Variants in PLRG1 observed in about 807,000 individuals in gnomAD.
PLRG1 encodes pleiotropic regulator 1.
Under a neutral mutation model 74.9 loss-of-function variants are expected in PLRG1, and 28 were observed. The observed-to-expected ratio is 0.37, with a 90% CI of 0.28 to 0.51. The LOEUF (loss-of-function observed/expected upper bound fraction) is 0.51, where lower values mean the gene tolerates loss of function less well. Among genes scored for constraint, PLRG1 ranks in the 20% least tolerant of loss-of-function variants. The pLI, the probability that PLRG1 is intolerant of heterozygous loss-of-function variation, is 0.91. For missense variants in PLRG1, 445 were observed against 631.9 expected (o/e 0.70, Z 3.17); for synonymous variants, 197 against 212.4 (o/e 0.93, Z 0.63).
chr4:154,542,312 C>G lies in PLRG1; in HGVS notation c.595-33G>C. The stretch of plus-strand genomic sequence containing the variant: ...AAACAAAGTAGAATGGGCAGGCCAA[C>G]GTAGAAGTTAAAATGTATTTAAGTT... On this transcript the variant is annotated intron_variant, in intron 7 of 14. Transcript: ENST00000499023. The G allele has an allele frequency of 2.2e-6, 3 of 1,342,558 alleles. No homozygotes were observed. In the East Asian group the frequency reaches 6.9e-5, roughly 31 times the overall value. 83.2% of individuals were successfully genotyped at this position (1,342,558 alleles called of 1,614,324 possible).
rs558498459 is a variant in PLRG1 at position 154,548,408 on chromosome 4, A to G, written c.116+421T>C. On this transcript the variant is annotated intron_variant, in intron 2 of 14. Transcript: ENST00000499023. The stretch of plus-strand genomic sequence containing the variant: ...AAAGAAGGAACACTGCACATAATGC[A>G]TTCCCAGACTGGAGCTGGATATGTA... Among the ~76,000 whole-genome samples the G allele has an allele frequency of 1.1e-4, 17 of 152,310 alleles. No individual in the cohort carries two copies. In the East Asian group the frequency reaches 2.9e-3, roughly 26 times the overall value.
intron 2 of PLRG1, among the ~76,000 whole-genome samples, 179 bp downstream of exon 2, chr4:154,548,650 T>C (rs763614310): frequency 2.0e-5 from 3 of 152,110 alleles, no homozygotes; most frequent in Non-Finnish European, 4.4e-5. Context: ...AATGGAACTT[T>C]TACTGTAAAA....
At chr4:154,542,599 G>T (rs1729574099) in intron 7 of PLRG1, among the ~76,000 whole-genome samples, 1 of 152,136 alleles carries the variant, frequency 6.6e-6, no homozygotes, top group Non-Finnish European at 1.5e-5. Context: ...CCATTTATAT[G>T]ACATAGTCAA....
At chr4:154,544,026 T>C in intron 7 of PLRG1, 1 of 164,464 alleles carries the variant, frequency 6.1e-6, no homozygotes. Flanking sequence ...TATGTGCTGC[T>C]GAAGTTAGCA....
intron 8 of PLRG1, 139 bp downstream of exon 8, chr4:154,542,038 TATTAGTATAA>T (rs1200476121): frequency 9.9e-6 from 6 of 606,360 alleles, no homozygotes; most frequent in Non-Finnish European, 1.8e-5. Context: ...TTAGAACACT[TATTAGTATAA>T]ATGATAAATT....
intron 8 of PLRG1, among the ~76,000 whole-genome samples, chr4:154,541,695 C>T (rs191140703): frequency 2.6e-4 from 40 of 151,962 alleles, no homozygotes; most frequent in Admixed American, 1.2e-3. Flanking sequence ...TTTGATACAA[C>T]GTTAAGTGAA....
chr4:154,540,954 AT>A lies in PLRG1; in HGVS notation c.688-21del, dbSNP rs760342331. 1 of 1,563,470 alleles carries A rather than the reference AT, an allele frequency of 6.4e-7. No homozygotes were observed. The highest frequency in any genetic ancestry group is 8.6e-7 in the Non-Finnish European group (1 of 1,158,566). On this transcript the variant is annotated intron_variant, in intron 8 of 14. Transcript: ENST00000499023. Reference sequence around the variant, plus strand: ...CCAGATCTGCAATCAAAGAATATTTATTTTTTTCTTTCACTGGTTACTGCAA... The same window carrying A: ...CCAGATCTGCAATCAAAGAATATTTATTTTTTCTTTCACTGGTTACTGCAA...
intron 4 of PLRG1, 155 bp downstream of exon 4, chr4:154,546,856 A>G (rs534282724): frequency 6.2e-6 from 4 of 649,168 alleles, no homozygotes; most frequent in African/African-American, 1.8e-5. Flanking sequence ...ATGAAGGCAT[A>G]TGAGTATTCA....
chr4:154,549,433 G>T (rs1249177345), intron 1 of PLRG1, among the ~76,000 whole-genome samples: 1 of 152,172 alleles, frequency 6.6e-6, no homozygotes. Context: ...ACAGAGGTAA[G>T]AACGAACCAG....
In PLRG1 at chr4:154,536,370, A is replaced by T. The variant is rs893268416; in HGVS notation, c.*315T>A. 3.1e-5 allele frequency: 6 copies of T among 191,566 alleles called. No individual in the cohort carries two copies. The highest frequency in any genetic ancestry group is 5.3e-5 in the Non-Finnish European group (5 of 95,066). The allele number at this position is 191,566 out of a possible 1,614,324, so 11.9% of individuals were successfully genotyped here. A position where few individuals can be genotyped will look rare whatever the true frequency, so the allele number is the denominator to read the frequency against. ...AATGTCCTAATTATCGGTTTCATAC[A>T]TTTTTTTTAAAAAAGGGGGTTTTCT... On this transcript the variant is annotated 3_prime_UTR_variant, in exon 15 of 15. Transcript: ENST00000499023.
intron 8 of PLRG1, 51 bp from the exon 9 acceptor site, chr4:154,540,985 A>C: frequency 7.6e-7 from 1 of 1,321,388 alleles, no homozygotes; most frequent in Non-Finnish European, 1.0e-6. Context: ...CTGCAAAACA[A>C]AATTTTAGAA....
intron 11 of PLRG1, 118 bp downstream of exon 11, chr4:154,539,833 C>T (rs1456858228): frequency 2.9e-6 from 2 of 689,524 alleles, no homozygotes; most frequent in Non-Finnish European, 5.2e-6. Flanking sequence ...TAAAATATGA[C>T]ACAGAAACAC....
At chr4:154,546,358 C>T in intron 4 of PLRG1, 145 bp from the exon 5 acceptor site, 1 of 607,410 alleles carries the variant, frequency 1.6e-6, no homozygotes, top group East Asian at 2.9e-5. Flanking sequence ...AAGTTTTGCT[C>T]ATCTTTGTTT....
rs1349098218 is a variant in PLRG1, at chr4:154,545,904, C to A, written c.424G>T (p.Ala142Ser). ...TGTCGGTATTCACTTCCACTAGGGGCAGTACGATTTGCATCAGCCCTGGGG... is the reference window on the plus strand; with the variant it reads ...TGTCGGTATTCACTTCCACTAGGGGAAGTACGATTTGCATCAGCCCTGGGG... ...LQTKADANRT[A>S]PSGSEYRHPG... is the part of the protein sequence containing the mutation. The change falls in exon 6 of 15, where the codon GCC (alanine) becomes TCC (serine). Residue 142 changes from alanine (A) to serine (S), a missense_variant. Physicochemically the swap from Ala to Ser is moderately conservative, Grantham distance 99. Coordinates refer to ENST00000499023, the MANE Select transcript of PLRG1 (RefSeq NM_002669.4). The A allele has an allele frequency of 6.2e-7, 1 of 1,610,558 alleles. No individual in the cohort carries two copies. Among genetic ancestry groups the A allele is most frequent in the Admixed American group, 1.7e-5 (1 of 59,894 alleles).
At position 154,547,704 on chromosome 4, in the gene PLRG1, T is replaced by C. The variant is rs1729683545; in HGVS notation, c.259+7A>G. On this transcript the variant is annotated splice_region_variant and intron_variant, in intron 3 of 14. Coordinates refer to ENST00000499023, the MANE Select transcript of PLRG1 (RefSeq NM_002669.4). ...AAGTCTGACATTTCTGATAATACCA[T>C]ACTCACCTTGATTGGCAGGGTACTG... 2 of 1,608,114 alleles carry C rather than the reference T, an allele frequency of 1.2e-6. No individual in the cohort carries two copies. The highest frequency in any genetic ancestry group is 1.1e-5 in the South Asian group (1 of 90,470).
rs1400496380 is a variant in PLRG1 at position 154,535,012 on chromosome 4, C to T, written c.*1673G>A. On this transcript the variant is annotated 3_prime_UTR_variant, in exon 15 of 15. Transcript: ENST00000499023. ...CTCTCAGGAATGCAAGTGTAGTGTT[C>T]TTTTTTCTTTATTTAAGTTTACGAA... is the stretch of plus-strand genomic sequence containing the variant. 1 of 151,934 alleles carries T rather than the reference C, an allele frequency of 6.6e-6. No individual in the cohort carries two copies. Among genetic ancestry groups the T allele is most frequent in the Non-Finnish European group, 1.5e-5 (1 of 67,956 alleles). 9.4% of individuals were successfully genotyped at this position (151,934 alleles called of 1,614,324 possible).
chr4:154,549,664 G>GT, intron 1 of PLRG1: 1 of 456,196 alleles, frequency 2.2e-6, no homozygotes, highest in Non-Finnish European at 4.4e-6. Context: ...AACAACTTAC[G>GT]TTTTAAACAG....
intron 4 of PLRG1, 25 bp downstream of exon 4, chr4:154,546,986 T>G: frequency 6.6e-7 from 1 of 1,518,654 alleles, no homozygotes; most frequent in Non-Finnish European, 9.1e-7. Flanking sequence ...TTTAAGACAT[T>G]TTCAATATAT....
chr4:154,542,804 T>C (rs1729577966), intron 7 of PLRG1, among the ~76,000 whole-genome samples: 1 of 138,172 alleles, frequency 7.2e-6, no homozygotes, highest in African/African-American at 2.6e-5. Flanking sequence ...TATTGCGTGC[T>C]CTCTCTCATA....
Sources: allele counts gnomAD v4.1 joint callset (sites outside exome capture counted in the v4.1 genomes callset), GRCh38; gene constraint gnomAD v4.1.1; transcripts MANE v1.5; gene names NCBI Gene and HGNC (gene_info 2026-07-23, HGNC 2026-07-21).